The following LRMDA variants were observed in gnomAD, a reference collection of about 807,000 sequenced individuals.
LRMDA encodes leucine-rich melanocyte differentiation-associated protein.
Under a neutral mutation model 29.8 loss-of-function variants are expected in LRMDA, and 18 were observed. The ratio of observed to expected loss-of-function variants is 0.60; its 90% CI spans 0.42 to 0.90. The LOEUF is 0.90. Ranked by LOEUF, LRMDA falls within the 40% of genes least tolerant of loss-of-function variation. The pLI is 0.00. For missense variants in LRMDA, 273 were observed against 273.9 expected, an observed-to-expected ratio of 1.00 and a Z score of 0.02; for synonymous variants, 125 against 109.4, an observed-to-expected ratio of 1.14 and a Z score of -0.89.
intron 2 of LRMDA, among the ~76,000 whole-genome samples, chr10:75,561,371 A>G (rs189110661): frequency 0.58 from 83,095 of 142,070 alleles, 27,999 homozygotes; most frequent in East Asian, 0.84. Flanking sequence ...CTGTGGGATC[A>G]ATGGTGATAT....
chr10:76,269,657 A>C (rs538951298), intron 5 of LRMDA, among the ~76,000 whole-genome samples: 21 of 152,192 alleles, frequency 1.4e-4, no homozygotes, highest in Admixed American at 9.2e-4. Context: ...ACTTTTCACG[A>C]TATATGGTAC....
At chr10:75,743,130 G>A (rs375397577) in intron 2 of LRMDA, among the ~76,000 whole-genome samples, 3 of 152,088 alleles carry the variant, frequency 2.0e-5, no homozygotes, top group African/African-American at 7.2e-5. Flanking sequence ...GAGCTGGGAG[G>A]GGGTGGTAAG....
chr10:75,882,027 G>A (rs1360254887), intron 2 of LRMDA, among the ~76,000 whole-genome samples: 1 of 152,180 alleles, frequency 6.6e-6, no homozygotes, highest in Non-Finnish European at 1.5e-5. Context: ...GAGCTGAAGG[G>A]TGCAGAGTTA....
chr10:75,741,972 G>A (rs540063167), intron 2 of LRMDA, among the ~76,000 whole-genome samples: 8 of 152,172 alleles, frequency 5.3e-5, no homozygotes, highest in African/African-American at 1.7e-4. Flanking sequence ...AGAATGCAAA[G>A]ACAGTTATCA....
chr10:75,665,179 A>G (rs1273599231), intron 2 of LRMDA, among the ~76,000 whole-genome samples: 1 of 152,196 alleles, frequency 6.6e-6, no homozygotes, highest in African/African-American at 2.4e-5. Flanking sequence ...CACATGCCAC[A>G]TCATCGTCCC....
chr10:75,858,659 A>G (rs945277193), intron 2 of LRMDA, among the ~76,000 whole-genome samples: 4 of 152,052 alleles, frequency 2.6e-5, no homozygotes, highest in African/African-American at 9.7e-5. Context: ...CTTTCCATTC[A>G]TCTGGTTTGC....
At position 76,141,902 on chromosome 10, in the gene LRMDA, T is replaced by C. The variant is rs539272019; in HGVS notation, c.516+83119T>C. On this transcript the variant is annotated intron_variant, in intron 5 of 6. Coordinates refer to ENST00000611255, the MANE Select transcript of LRMDA (RefSeq NM_001305581.2). The stretch of plus-strand genomic sequence containing the variant: ...GTTTTAATTGTTTTGTGCAGAACTT[T>C]AGTTTCTTTGTCTTTTCTAACTTCC... Among the ~76,000 whole-genome samples, 4 of 152,264 alleles carry C rather than the reference T, an allele frequency of 2.6e-5. No homozygotes were observed. The South Asian group carries it at 8.3e-4, about 32-fold the overall frequency.
chr10:75,865,925 CAAT>C (rs1845010619), intron 2 of LRMDA, among the ~76,000 whole-genome samples: 1 of 152,204 alleles, frequency 6.6e-6, no homozygotes, highest in Admixed American at 6.5e-5. Context: ...CTTCCCTCAG[CAAT>C]AATTATAGTT....
chr10:75,791,530 A>G (rs1843564807), intron 2 of LRMDA, among the ~76,000 whole-genome samples: 1 of 152,260 alleles, frequency 6.6e-6, no homozygotes, highest in Non-Finnish European at 1.5e-5. Context: ...AAGCATAATT[A>G]TGTGAGGGAG....
At chr10:75,543,683 T>A (rs1418302423) in intron 2 of LRMDA, among the ~76,000 whole-genome samples, 1 of 152,248 alleles carries the variant, frequency 6.6e-6, no homozygotes, top group Non-Finnish European at 1.5e-5. Context: ...TCATGTTTTT[T>A]AAATTCTCCA....
At chr10:76,182,979 C>T (rs2132210845) in intron 5 of LRMDA, among the ~76,000 whole-genome samples, 1 of 152,236 alleles carries the variant, frequency 6.6e-6, no homozygotes, top group Admixed American at 6.5e-5. Context: ...TCTTCCCAGT[C>T]AGACATCAGA....
intron 2 of LRMDA, among the ~76,000 whole-genome samples, chr10:75,967,422 T>G (rs1846882219): frequency 6.6e-6 from 1 of 152,192 alleles, no homozygotes; most frequent in Admixed American, 6.5e-5. Context: ...CCCAGGAGTT[T>G]CCAGGCTGTA....
chr10:75,817,701 C>G (rs947830080), intron 2 of LRMDA, among the ~76,000 whole-genome samples: 2 of 152,072 alleles, frequency 1.3e-5, no homozygotes, highest in Non-Finnish European at 2.9e-5. Context: ...CTTTAAGAAG[C>G]TAAAGGAAAA....
chr10:76,525,151 T>C (rs896874583), intron 6 of LRMDA, among the ~76,000 whole-genome samples: 1 of 152,196 alleles, frequency 6.6e-6, no homozygotes, highest in Non-Finnish European at 1.5e-5. Context: ...TGTTCAGATC[T>C]TGCAAAAGAT....
intron 2 of LRMDA, among the ~76,000 whole-genome samples, chr10:75,842,745 G>T (rs1844562925): frequency 6.6e-6 from 1 of 152,074 alleles, no homozygotes; most frequent in African/African-American, 2.4e-5. Flanking sequence ...AGGTGGAAAA[G>T]GGTGGGGCAT....
intron 5 of LRMDA, among the ~76,000 whole-genome samples, chr10:76,064,469 A>G (rs1254091612): frequency 1.3e-5 from 2 of 152,220 alleles, no homozygotes; most frequent in Non-Finnish European, 2.9e-5. Context: ...TGTAGTTACA[A>G]TGAAATTTTC....
intron 2 of LRMDA, among the ~76,000 whole-genome samples, chr10:75,731,145 A>G (rs758582730): frequency 1.6e-4 from 25 of 152,238 alleles, no homozygotes; most frequent in Non-Finnish European, 2.9e-4. Context: ...TGGTAACCCA[A>G]TTCAGAGCTA....
At chr10:75,702,883 A>G (rs1409438433) in intron 2 of LRMDA, among the ~76,000 whole-genome samples, 3 of 152,170 alleles carry the variant, frequency 2.0e-5, no homozygotes, top group Non-Finnish European at 4.4e-5. Flanking sequence ...TAAATACTCA[A>G]CTGACTAGTA....
intron 6 of LRMDA, among the ~76,000 whole-genome samples, chr10:76,509,147 G>A (rs1026151428): frequency 6.6e-6 from 1 of 152,154 alleles, no homozygotes; most frequent in African/African-American, 2.4e-5. Flanking sequence ...CACCCACTTT[G>A]TTCGCAGCAC....
Sources: gnomAD v4.1 joint callset for allele counts (sites outside exome capture counted in the v4.1 genomes callset) on GRCh38, gnomAD v4.1.1 for gene constraint, MANE v1.5 for transcripts, NCBI Gene and HGNC (gene_info 2026-07-23, HGNC 2026-07-21) for gene names.